Variants in FAF1 observed in about 807,000 individuals in gnomAD.
FAF1 encodes Fas associated factor 1.
Under a neutral mutation model 92.5 loss-of-function variants are expected in FAF1, and 25 were observed. The observed-to-expected ratio is 0.27, with a 90% CI of 0.20 to 0.38. The LOEUF is 0.38. Among genes scored for constraint, FAF1 ranks in the 10% least tolerant of loss-of-function variants. FAF1 has a pLI of 1.00. For missense variants in FAF1, 636 were observed against 793.3 expected, an observed-to-expected ratio of 0.80 and a Z score of 2.38; for synonymous variants, 234 against 273.2, an observed-to-expected ratio of 0.86 and a Z score of 1.42.
intron 7 of FAF1, among the ~76,000 whole-genome samples, chr1:50,685,702 T>C (rs900644057): frequency 6.6e-6 from 1 of 152,218 alleles, no homozygotes; most frequent in Non-Finnish European, 1.5e-5. Context: ...CTGACACTAG[T>C]AGATGCTTTA....
intron 13 of FAF1, among the ~76,000 whole-genome samples, chr1:50,558,976 C>G (rs546461666): frequency 3.9e-5 from 6 of 152,064 alleles, no homozygotes; most frequent in Non-Finnish European, 8.8e-5. Context: ...TTTGGCCGGA[C>G]GAGGAGGCTC....
chr1:50,872,163 GA>G (rs1337803757), intron 1 of FAF1, among the ~76,000 whole-genome samples: 3 of 152,018 alleles, frequency 2.0e-5, no homozygotes, highest in African/African-American at 7.3e-5. Flanking sequence ...AAAGTACACT[GA>G]AAACTTTCTG....
intron 4 of FAF1, among the ~76,000 whole-genome samples, chr1:50,746,282 ATATATATATATTTTTTTTT>A (rs1659608291): frequency 5.4e-5 from 1 of 18,684 alleles, no homozygotes; most frequent in Admixed American, 8.1e-4. Context: ...ATATATATAT[ATATATATATATTTTTTTTT>A]TTTTTTTTTT....
At chr1:50,865,804 A>G (rs1460190007) in intron 1 of FAF1, among the ~76,000 whole-genome samples, 3 of 149,228 alleles carry the variant, frequency 2.0e-5, no homozygotes, top group African/African-American at 4.9e-5. Context: ...TAACCTGCAC[A>G]TTGTGCACAT....
At chr1:50,733,861 A>T (rs1021427103) in intron 6 of FAF1, among the ~76,000 whole-genome samples, 24 of 152,186 alleles carry the variant, frequency 1.6e-4, no homozygotes, top group African/African-American at 5.8e-4. Flanking sequence ...CAGTGTTGCA[A>T]TCTCAACTCA....
At chr1:50,788,718 T>C (rs1052915207) in intron 3 of FAF1, among the ~76,000 whole-genome samples, 6 of 152,206 alleles carry the variant, frequency 3.9e-5, no homozygotes, top group African/African-American at 1.4e-4. Flanking sequence ...AAATTTCCCT[T>C]ATCTTCTTAA....
intron 4 of FAF1, among the ~76,000 whole-genome samples, chr1:50,757,580 T>A (rs965133065): frequency 5.3e-5 from 8 of 152,196 alleles, no homozygotes; most frequent in African/African-American, 1.9e-4. Flanking sequence ...AGGTTATGAT[T>A]ACAATTTTCA....
intron 4 of FAF1, among the ~76,000 whole-genome samples, chr1:50,748,075 A>G (rs1659698860): frequency 6.6e-6 from 1 of 152,170 alleles, no homozygotes; most frequent in Non-Finnish European, 1.5e-5. Flanking sequence ...CTGCCAGAAC[A>G]GACTAATACA....
At chr1:50,528,788 T>G (rs1174071039) in intron 15 of FAF1, among the ~76,000 whole-genome samples, 1 of 152,158 alleles carries the variant, frequency 6.6e-6, no homozygotes, top group African/African-American at 2.4e-5. Context: ...TTGGCTCTGC[T>G]TCCTCTAAGA....
chr1:50,678,379 T>A (rs919315665), intron 7 of FAF1, among the ~76,000 whole-genome samples: 4 of 152,232 alleles, frequency 2.6e-5, no homozygotes, highest in Admixed American at 2.6e-4. Context: ...CACACAGTCT[T>A]AAGTTATCCA....
intron 1 of FAF1, among the ~76,000 whole-genome samples, chr1:50,871,414 G>A (rs530421203): frequency 1.3e-5 from 2 of 152,344 alleles, no homozygotes; most frequent in African/African-American, 4.8e-5. Flanking sequence ...GTCAATGCCT[G>A]GCTTCAAAGC....
At chr1:50,944,476 A>G (rs1645158675) in intron 1 of FAF1, among the ~76,000 whole-genome samples, 1 of 152,184 alleles carries the variant, frequency 6.6e-6, no homozygotes. Context: ...CAAAATCAGT[A>G]TGTCCCATTC....
At chr1:50,706,791 T>C (rs1657691936) in intron 6 of FAF1, among the ~76,000 whole-genome samples, 2 of 152,244 alleles carry the variant, frequency 1.3e-5, no homozygotes, top group African/African-American at 4.8e-5. Context: ...AGTGTAATTT[T>C]GCCATGCCTA....
intron 2 of FAF1, among the ~76,000 whole-genome samples, chr1:50,850,069 C>T (rs942956791): frequency 1.8e-4 from 27 of 150,080 alleles, no homozygotes; most frequent in South Asian, 4.2e-4. Context: ...GATAAAACTT[C>T]GGGTCAGCTT....
intron 8 of FAF1, among the ~76,000 whole-genome samples, chr1:50,604,035 T>G (rs1261741751): frequency 6.6e-6 from 1 of 152,206 alleles, no homozygotes; most frequent in African/African-American, 2.4e-5. Context: ...GGCTTTTTGC[T>G]ATGTACATAA....
chr1:50,586,841 A>G (rs1312518882), intron 9 of FAF1, among the ~76,000 whole-genome samples: 1 of 152,220 alleles, frequency 6.6e-6, no homozygotes, highest in African/African-American at 2.4e-5. Flanking sequence ...AGTTGCCTTT[A>G]AATTTGAGGC....
At chr1:50,774,370 C>G (rs780475046) in intron 4 of FAF1, among the ~76,000 whole-genome samples, 6 of 152,128 alleles carry the variant, frequency 3.9e-5, no homozygotes, top group Admixed American at 1.3e-4. Context: ...AAACACTATA[C>G]AGCTAATAAG....
At chr1:50,831,786 A>T (rs573029505) in intron 2 of FAF1, among the ~76,000 whole-genome samples, 1 of 148,340 alleles carries the variant, frequency 6.7e-6, no homozygotes, top group African/African-American at 2.5e-5. Context: ...AGAACCCATA[A>T]GAGTATCCTT....
At chr1:50,649,764 A>G (rs1654768406) in intron 8 of FAF1, among the ~76,000 whole-genome samples, 1 of 145,260 alleles carries the variant, frequency 6.9e-6, no homozygotes, top group South Asian at 2.2e-4. Context: ...AACTTATGAA[A>G]CCGCGTCTCT....
Sources: allele counts gnomAD v4.1 joint callset (sites outside exome capture counted in the v4.1 genomes callset), GRCh38; gene constraint gnomAD v4.1.1; transcripts MANE v1.5; gene names NCBI Gene and HGNC (gene_info 2026-07-23, HGNC 2026-07-21).